TANGO6: variants seen among roughly 807,000 people sequenced by gnomAD.
The protein encoded by TANGO6 is transport and golgi organization 6 homolog.
TANGO6 carries 90 observed loss-of-function variants against 114.2 expected under a neutral mutation model. The ratio of observed to expected loss-of-function variants is 0.79; its 90% confidence interval spans 0.66 to 0.94. The LOEUF (loss-of-function observed/expected upper bound fraction) is 0.94. TANGO6 is among the 40% of genes least tolerant of loss of function. The probability of loss-of-function intolerance (pLI) is 0.00; values close to 1 mark genes in which losing one functional copy is unlikely to be tolerated. For synonymous variants in TANGO6, 477 were observed against 509.8 expected (o/e 0.94, Z 0.87); for missense variants, 1,274 against 1,315.3 (o/e 0.97, Z 0.49).
At position 68,900,479 on chromosome 16, in the gene TANGO6, C is replaced by T. The variant is rs1374180679; in HGVS notation, c.1423C>T (p.Leu475=). Reference sequence around the variant, plus strand: ...ACCTTTAACAGTTTTGATGGATTCCCTGCTTCCAGTCCTGGGAGTGCTTTT... The same window carrying T: ...ACCTTTAACAGTTTTGATGGATTCCTTGCTTCCAGTCCTGGGAGTGCTTTT... ...NEPLTVLMDS[L]LPVLGVLFLL... Residue 475 remains leucine (L), a synonymous_variant, in exon 8 of 18, where the codon CTG becomes TTG. Transcript: ENST00000261778. The T allele has an allele frequency of 6.2e-7, 1 of 1,614,012 alleles. No homozygotes were observed. Among genetic ancestry groups the T allele is most frequent in the South Asian group, 1.1e-5 (1 of 91,084 alleles).
In TANGO6 at chr16:68,861,636, A is replaced by C. The variant is rs975964899; in HGVS notation, c.735+1112A>C. ...TGTGCCCAGGGATCTCAGGCAGGAGAGAGAAATGAAAAGGGAAACACAGAG... is the reference window on the plus strand; with the variant it reads ...TGTGCCCAGGGATCTCAGGCAGGAGCGAGAAATGAAAAGGGAAACACAGAG... On this transcript the variant is annotated intron_variant, in intron 2 of 17. Transcript: ENST00000261778. 4.6e-5 allele frequency among the ~76,000 whole-genome samples: 7 copies of C among 152,306 alleles called. No individual in the cohort carries two copies. The South Asian group carries it at 1.5e-3, about 32-fold the overall frequency.
chr16:68,877,781 T>C (rs1962389613), intron 5 of TANGO6, among the ~76,000 whole-genome samples: 1 of 152,030 alleles, frequency 6.6e-6, no homozygotes, highest in African/African-American at 2.4e-5. Flanking sequence ...CTAAGATTTT[T>C]GTATTTTTAG....
At chr16:69,007,863 T>C (rs1964107601) in intron 15 of TANGO6, among the ~76,000 whole-genome samples, 2 of 152,340 alleles carry the variant, frequency 1.3e-5, no homozygotes, top group South Asian at 2.1e-4. Flanking sequence ...TGAAATGATA[T>C]CTCATTATGG....
At chr16:69,012,112 T>C (rs573568005) in intron 15 of TANGO6, among the ~76,000 whole-genome samples, 1 of 152,216 alleles carries the variant, frequency 6.6e-6, no homozygotes, top group East Asian at 1.9e-4. Context: ...GAATAGGGAG[T>C]TGCAAATAGC....
chr16:68,989,364 T>C (rs1963926924), intron 15 of TANGO6, among the ~76,000 whole-genome samples: 2 of 152,114 alleles, frequency 1.3e-5, no homozygotes, highest in Non-Finnish European at 2.9e-5. Flanking sequence ...TATCTTTAGG[T>C]ACATGGACTC....
At chr16:68,957,179 C>T (rs1963539179) in intron 14 of TANGO6, among the ~76,000 whole-genome samples, 1 of 151,910 alleles carries the variant, frequency 6.6e-6, no homozygotes, top group Non-Finnish European at 1.5e-5. Context: ...GCATGTATAG[C>T]AACATAAAGT....
intron 17 of TANGO6, among the ~76,000 whole-genome samples, chr16:69,073,942 C>T (rs1418965043): frequency 6.8e-6 from 1 of 147,416 alleles, no homozygotes; most frequent in African/African-American, 2.5e-5. Flanking sequence ...CTGGGGGGCA[C>T]AGAGCAAGAC....
chr16:68,939,034 T>C (rs1272903766), intron 14 of TANGO6, among the ~76,000 whole-genome samples: 2 of 126,940 alleles, frequency 1.6e-5, no homozygotes, highest in African/African-American at 3.1e-5. Flanking sequence ...ATCACACCAC[T>C]GCACTCCAGC....
intron 14 of TANGO6, among the ~76,000 whole-genome samples, chr16:68,957,860 A>G (rs1567548192): frequency 6.6e-6 from 1 of 152,190 alleles, no homozygotes; most frequent in Non-Finnish European, 1.5e-5. Context: ...TCTTAAAGTA[A>G]AAAGTAGAAT....
At chr16:68,849,659 C>CA (rs879873482) in intron 1 of TANGO6, among the ~76,000 whole-genome samples, 131 of 135,258 alleles carry the variant, frequency 9.7e-4, no homozygotes, top group African/African-American at 1.5e-3. Context: ...GACCCTGTCT[C>CA]AAAAAAAAAA....
chr16:68,927,457 A>G (rs1374112438), intron 12 of TANGO6, 111 bp from the exon 13 acceptor site: 2 of 1,172,418 alleles, frequency 1.7e-6, no homozygotes, highest in Non-Finnish European at 2.4e-6. Context: ...TTACACCATG[A>G]GCAAGATTTG....
chr16:68,982,194 T>C (rs1842562576), intron 15 of TANGO6, among the ~76,000 whole-genome samples: 1 of 152,164 alleles, frequency 6.6e-6, no homozygotes, highest in African/African-American at 2.4e-5. Context: ...ATGTGTTAAA[T>C]CCAGGGCTGC....
chr16:69,083,318 C>T (rs1325426040), intron 17 of TANGO6, among the ~76,000 whole-genome samples, 167 bp from the exon 18 acceptor site: 3 of 152,042 alleles, frequency 2.0e-5, no homozygotes, highest in African/African-American at 7.2e-5. Flanking sequence ...GCCTTGGCCT[C>T]CCAAAGTGCG....
chr16:69,020,929 T>TG (rs1393392236), intron 15 of TANGO6, among the ~76,000 whole-genome samples: 23 of 142,656 alleles, frequency 1.6e-4, no homozygotes, highest in South Asian at 6.7e-4. Context: ...TGTGTGTGTG[T>TG]GTGTGTGTGT....
chr16:68,927,424 G>A, intron 12 of TANGO6, 144 bp from the exon 13 acceptor site: 2 of 779,816 alleles, frequency 2.6e-6, no homozygotes, highest in South Asian at 1.8e-5. Flanking sequence ...GGTATTCAGT[G>A]CTGGACCCAG....
chr16:68,934,829 G>A (rs1475431322), intron 14 of TANGO6, among the ~76,000 whole-genome samples: 12 of 152,076 alleles, frequency 7.9e-5, no homozygotes, highest in African/African-American at 1.7e-4. Context: ...TGGAATAAGC[G>A]TCTTAGTTGA....
At chr16:68,922,393 G>A (rs1003229868) in intron 12 of TANGO6, among the ~76,000 whole-genome samples, 11 of 151,940 alleles carry the variant, frequency 7.2e-5, no homozygotes, top group Non-Finnish European at 1.2e-4. Context: ...AAAATCAGCC[G>A]GGCTTGGTGG....
intron 15 of TANGO6, among the ~76,000 whole-genome samples, chr16:69,001,031 T>C (rs371329470): frequency 6.6e-6 from 1 of 152,352 alleles, no homozygotes; most frequent in African/African-American, 2.4e-5. Context: ...ACCCTCTAAA[T>C]TAGACAAAAT....
intron 14 of TANGO6, among the ~76,000 whole-genome samples, chr16:68,953,194 C>T (rs1455860729): frequency 6.6e-6 from 1 of 151,970 alleles, no homozygotes; most frequent in Non-Finnish European, 1.5e-5. Context: ...AGCGATTCTC[C>T]TGCCTCGGCT....
Sources: gnomAD v4.1 joint callset for allele counts (sites outside exome capture counted in the v4.1 genomes callset) on GRCh38, gnomAD v4.1.1 for gene constraint, MANE v1.5 for transcripts, NCBI Gene and HGNC (gene_info 2026-07-23, HGNC 2026-07-21) for gene names.